The following GALNT11 variants were observed in gnomAD, a reference collection of about 807,000 sequenced individuals.
GALNT11 encodes polypeptide N-acetylgalactosaminyltransferase 11.
GALNT11 carries 47 observed loss-of-function variants against 72.7 expected under a neutral mutation model. The observed-to-expected ratio is 0.65, with a 90% CI of 0.51 to 0.82. The LOEUF is 0.82. GALNT11 is among the 40% of genes least tolerant of loss of function. The pLI, the probability that GALNT11 is intolerant of heterozygous loss-of-function variation, is 0.00. For synonymous variants in GALNT11, 270 were observed against 286.6 expected (o/e 0.94, Z 0.58); for missense variants, 677 against 778.4 (o/e 0.87, Z 1.55).
At chr7:152,048,592 C>G (rs888797039) in intron 1 of GALNT11, among the ~76,000 whole-genome samples, 3 of 151,190 alleles carry the variant, frequency 2.0e-5, no homozygotes, top group Non-Finnish European at 4.4e-5. Context: ...TGCAGTGGTG[C>G]GATCTCAACT....
At chr7:152,076,271 C>G (rs1053882939) in intron 1 of GALNT11, among the ~76,000 whole-genome samples, 2 of 152,230 alleles carry the variant, frequency 1.3e-5, no homozygotes, top group Admixed American at 6.5e-5. Context: ...ATTAGTTCAT[C>G]TAAGGATTTG....
At chr7:152,110,667 C>G (rs771144839) in intron 7 of GALNT11, 22 bp downstream of exon 7, 1 of 1,385,504 alleles carries the variant, frequency 7.2e-7, no homozygotes, top group Non-Finnish European at 1.0e-6. Context: ...TTTGCATGCT[C>G]AATTAATAAC....
At chr7:152,083,012 G>C (rs2085409288) in intron 1 of GALNT11, among the ~76,000 whole-genome samples, 1 of 152,044 alleles carries the variant, frequency 6.6e-6, no homozygotes, top group Admixed American at 6.5e-5. Flanking sequence ...GTGGCTCACA[G>C]ACCCTAAGGT....
intron 1 of GALNT11, among the ~76,000 whole-genome samples, chr7:152,028,162 C>T (rs546133559): frequency 1.7e-4 from 26 of 152,296 alleles, no homozygotes; most frequent in African/African-American, 5.8e-4. Context: ...TGGAAGGGGA[C>T]CCGAGCAGGT....
At chr7:152,034,178 G>A (rs190034065) in intron 1 of GALNT11, among the ~76,000 whole-genome samples, 45 of 152,262 alleles carry the variant, frequency 3.0e-4, no homozygotes, top group African/African-American at 1.1e-3. Context: ...TTTCCTTCTG[G>A]GCAGGGGAGA....
intron 1 of GALNT11, among the ~76,000 whole-genome samples, chr7:152,089,836 T>A (rs760493589): frequency 4.6e-4 from 70 of 152,322 alleles, no homozygotes; most frequent in Non-Finnish European, 7.3e-4. Context: ...TTTCTAACAC[T>A]TATGATTTAC....
chr7:152,062,594 C>T (rs2084082259), intron 1 of GALNT11, among the ~76,000 whole-genome samples: 1 of 152,132 alleles, frequency 6.6e-6, no homozygotes, highest in Non-Finnish European at 1.5e-5. Context: ...ATGATATTGG[C>T]TGTGGGTTTG....
intron 1 of GALNT11, among the ~76,000 whole-genome samples, chr7:152,051,897 T>C (rs971894561): frequency 2.0e-5 from 3 of 152,226 alleles, no homozygotes; most frequent in Non-Finnish European, 2.9e-5. Context: ...TGGTAAAATA[T>C]ACATAATGTA....
At chr7:152,027,272 G>T (rs548306600) in intron 1 of GALNT11, among the ~76,000 whole-genome samples, 1 of 152,288 alleles carries the variant, frequency 6.6e-6, no homozygotes, top group South Asian at 2.1e-4. Flanking sequence ...TTTAATTTTT[G>T]TGGGTACATA....
chr7:152,039,284 A>G (rs897684457), intron 1 of GALNT11, among the ~76,000 whole-genome samples: 1 of 152,204 alleles, frequency 6.6e-6, no homozygotes, highest in Non-Finnish European at 1.5e-5. Flanking sequence ...GCCAGGTTCA[A>G]TTTTATTTAT....
In GALNT11 at chr7:152,057,627, A is replaced by G. The variant is rs193064877; in HGVS notation, c.-39+31743A>G. Among the ~76,000 whole-genome samples, 370 of 152,040 alleles carry G rather than the reference A, an allele frequency of 2.4e-3. 3 individuals carry two copies. The highest frequency in any genetic ancestry group is 1.5e-3 in the Non-Finnish European group (105 of 68,022). On this transcript the variant is annotated intron_variant, in intron 1 of 11. Transcript: ENST00000430044. ...CGGCCAGAATTAGATGATTTTGGTG[A>G]TGCAAAATAATCTATGTCCTGACCC...
chr7:152,095,305 G>A (rs888806329), intron 2 of GALNT11, among the ~76,000 whole-genome samples: 52 of 152,090 alleles, frequency 3.4e-4, no homozygotes, highest in African/African-American at 1.2e-3. Context: ...TAAGGGATAA[G>A]TGAGCAATTT....
intron 7 of GALNT11, among the ~76,000 whole-genome samples, chr7:152,112,305 C>T (rs1162849055): frequency 6.6e-6 from 1 of 152,132 alleles, no homozygotes; most frequent in African/African-American, 2.4e-5. Context: ...CTTTGGGAGG[C>T]CAAGGTGGGC....
At chr7:152,118,618 A>C in intron 9 of GALNT11, 60 bp from the exon 10 acceptor site, 1 of 1,493,548 alleles carries the variant, frequency 6.7e-7, no homozygotes, top group South Asian at 1.2e-5. Flanking sequence ...AACCACCTCC[A>C]GGCTTGGGAG....
chr7:152,090,731 C>G (rs2085967861), intron 1 of GALNT11, among the ~76,000 whole-genome samples: 1 of 144,782 alleles, frequency 6.9e-6, no homozygotes, highest in Middle Eastern at 3.8e-3. Flanking sequence ...ACACAAGTAT[C>G]ACGTTTTCAG....
chr7:152,058,318 T>C (rs958584090), intron 1 of GALNT11, among the ~76,000 whole-genome samples: 3 of 152,024 alleles, frequency 2.0e-5, no homozygotes, highest in African/African-American at 7.3e-5. Context: ...TTAGGATGGC[T>C]GTGGCAAGTT....
intron 1 of GALNT11, among the ~76,000 whole-genome samples, chr7:152,056,876 A>G (rs1024740380): frequency 2.0e-5 from 3 of 151,430 alleles, no homozygotes; most frequent in African/African-American, 7.3e-5. Flanking sequence ...TGCTTCACCT[A>G]CTCAGGCTGG....
At chr7:152,040,160 T>C (rs998718724) in intron 1 of GALNT11, among the ~76,000 whole-genome samples, 2 of 151,722 alleles carry the variant, frequency 1.3e-5, no homozygotes, top group African/African-American at 4.8e-5. Context: ...CAATAGAAGC[T>C]GGAATGCCCA....
intron 5 of GALNT11, among the ~76,000 whole-genome samples, chr7:152,105,774 T>G (rs959085794): frequency 6.6e-6 from 1 of 152,248 alleles, no homozygotes; most frequent in African/African-American, 2.4e-5. Flanking sequence ...TAACTCTTAG[T>G]GCGGAGTGCA....
Sources: allele counts gnomAD v4.1 joint callset (sites outside exome capture counted in the v4.1 genomes callset), GRCh38; gene constraint gnomAD v4.1.1; transcripts MANE v1.5; gene names NCBI Gene and HGNC (gene_info 2026-07-23, HGNC 2026-07-21).